Variants in LIMS1 observed in about 807,000 individuals in gnomAD.
LIMS1 encodes the protein LIM zinc finger domain containing 1.
LIMS1 carries 18 observed loss-of-function variants against 44.1 expected under a neutral mutation model. The observed-to-expected ratio is 0.41, with a 90% CI of 0.28 to 0.61. The LOEUF (loss-of-function observed/expected upper bound fraction) is 0.61, where lower values mean the gene tolerates loss of function less well. Among genes scored for constraint, LIMS1 ranks in the 20% least tolerant of loss-of-function variants. The pLI, the probability that LIMS1 is intolerant of heterozygous loss-of-function variation, is 0.32. For synonymous variants in LIMS1, 93 were observed against 149.1 expected (o/e 0.62, Z 2.74); for missense variants, 201 against 422.0 (o/e 0.48, Z 4.59).
At chr2:108,579,338 T>G (rs542041406) in intron 1 of LIMS1, among the ~76,000 whole-genome samples, 2 of 152,354 alleles carry the variant, frequency 1.3e-5, no homozygotes, top group East Asian at 3.9e-4. Flanking sequence ...ATAATTTTAC[T>G]TGTACTCAGT....
intron 1 of LIMS1, among the ~76,000 whole-genome samples, chr2:108,560,566 C>T (rs531617392): frequency 3.3e-5 from 5 of 152,124 alleles, no homozygotes; most frequent in South Asian, 2.1e-4. Flanking sequence ...GGAGGTCCTC[C>T]GTAACTGTCC....
At chr2:108,639,750 C>A (rs950744737) in intron 1 of LIMS1, among the ~76,000 whole-genome samples, 1 of 152,090 alleles carries the variant, frequency 6.6e-6, no homozygotes, top group Non-Finnish European at 1.5e-5. Context: ...CGTGCCCAGC[C>A]GTGTACATGT....
intron 1 of LIMS1, among the ~76,000 whole-genome samples, chr2:108,598,420 G>A (rs187922237): frequency 6.6e-6 from 1 of 152,338 alleles, no homozygotes; most frequent in East Asian, 1.9e-4. Context: ...TAGGAGGAAG[G>A]AGAGACTGAG....
chr2:108,640,257 T>C (rs1300383194), intron 1 of LIMS1, among the ~76,000 whole-genome samples: 1 of 152,204 alleles, frequency 6.6e-6, no homozygotes, highest in Non-Finnish European at 1.5e-5. Context: ...CCAGGCTCCA[T>C]GTCCTTTACA....
At chr2:108,571,169 A>AT (rs1685467207) in intron 1 of LIMS1, among the ~76,000 whole-genome samples, 1 of 152,234 alleles carries the variant, frequency 6.6e-6, no homozygotes, top group African/African-American at 2.4e-5. Flanking sequence ...CAGAGTGTTT[A>AT]TAAATAATGG....
intron 8 of LIMS1, among the ~76,000 whole-genome samples, chr2:108,678,846 G>A (rs1186822038): frequency 6.6e-6 from 1 of 152,164 alleles, no homozygotes; most frequent in South Asian, 2.1e-4. Context: ...TTTCCATGTT[G>A]GGCCAACAGC....
chr2:108,585,142 C>T (rs995077949), intron 1 of LIMS1, among the ~76,000 whole-genome samples: 2 of 131,766 alleles, frequency 1.5e-5, no homozygotes, highest in South Asian at 2.5e-4. Context: ...CAGAGCATGA[C>T]TCCGTCTCAA....
chr2:108,545,163 T>A (rs935022501), intron 1 of LIMS1, among the ~76,000 whole-genome samples: 1 of 152,218 alleles, frequency 6.6e-6, no homozygotes, highest in African/African-American at 2.4e-5. Flanking sequence ...TTGTTGTTGC[T>A]GTTGTTGAAG....
At chr2:108,650,460 C>T (rs1441134785) in intron 1 of LIMS1, among the ~76,000 whole-genome samples, 1 of 151,110 alleles carries the variant, frequency 6.6e-6, no homozygotes, top group Non-Finnish European at 1.5e-5. Flanking sequence ...TCTTGTTGCC[C>T]AGGCTTGAGT....
intron 1 of LIMS1, among the ~76,000 whole-genome samples, chr2:108,557,982 A>C (rs1416089022): frequency 6.6e-6 from 1 of 152,228 alleles, no homozygotes; most frequent in Non-Finnish European, 1.5e-5. Context: ...TATGAAGGGG[A>C]AATTATGGAT....
rs147782954 is a variant in LIMS1, at chr2:108,645,176, C to T, written c.33-14429C>T. Among the ~76,000 whole-genome samples, 776 of 152,026 alleles carry T rather than the reference C, an allele frequency of 5.1e-3. 7 individuals carry two copies. The highest frequency in any genetic ancestry group is 0.018 in the African/African-American group (730 of 41,440). Reference sequence around the variant, plus strand: ...GAAAGATACTCCTTGAGAAAAGCAACGCCAGGACACATAATTTTCAGATCA... The same window carrying T: ...GAAAGATACTCCTTGAGAAAAGCAATGCCAGGACACATAATTTTCAGATCA... On this transcript the variant is annotated intron_variant, in intron 1 of 9. Transcript: ENST00000544547.
At chr2:108,645,609 C>T (rs1429028479) in intron 1 of LIMS1, among the ~76,000 whole-genome samples, 1 of 152,114 alleles carries the variant, frequency 6.6e-6, no homozygotes, top group Non-Finnish European at 1.5e-5. Flanking sequence ...TAACAGCTAG[C>T]ATCATATTGG....
At chr2:108,595,207 G>A (rs1049259814) in intron 1 of LIMS1, among the ~76,000 whole-genome samples, 2 of 152,130 alleles carry the variant, frequency 1.3e-5, no homozygotes, top group Non-Finnish European at 2.9e-5. Context: ...TTGGGTGGGG[G>A]TTGCGAGGAT....
chr2:108,679,060 A>C (rs1422781388), intron 8 of LIMS1, among the ~76,000 whole-genome samples: 1 of 152,222 alleles, frequency 6.6e-6, no homozygotes, highest in African/African-American at 2.4e-5. Flanking sequence ...GATTCAACCA[A>C]CTATGGATCA....
chr2:108,642,511 T>C (rs541130638), intron 1 of LIMS1, among the ~76,000 whole-genome samples: 51 of 151,018 alleles, frequency 3.4e-4, no homozygotes, highest in Non-Finnish European at 5.9e-4. Flanking sequence ...AGGCGCCCGC[T>C]ACCACGCCCG....
At chr2:108,639,578 G>C (rs776007759) in intron 1 of LIMS1, among the ~76,000 whole-genome samples, 31 of 152,254 alleles carry the variant, frequency 2.0e-4, no homozygotes, top group Admixed American at 1.6e-3. Flanking sequence ...TCAGCCTCCT[G>C]AGTAGCTGGG....
At chr2:108,667,036 T>A (rs1691807553) in intron 2 of LIMS1, among the ~76,000 whole-genome samples, 1 of 151,554 alleles carries the variant, frequency 6.6e-6, no homozygotes, top group Non-Finnish European at 1.5e-5. Flanking sequence ...TGGCCACTGG[T>A]GATCAACTTA....
chr2:108,680,794 G>A, intron 9 of LIMS1, 24 bp downstream of exon 9: 2 of 1,598,638 alleles, frequency 1.3e-6, no homozygotes, highest in Admixed American at 1.8e-5. Flanking sequence ...TTTGTCCAGT[G>A]TGAATCCTAA....
chr2:108,627,695 CAG>C (rs1053896402), intron 1 of LIMS1, among the ~76,000 whole-genome samples: 3 of 152,092 alleles, frequency 2.0e-5, no homozygotes, highest in Non-Finnish European at 4.4e-5. Flanking sequence ...TAAAAGGAAA[CAG>C]TACTATTTAT....
Sources: allele counts gnomAD v4.1 joint callset (sites outside exome capture counted in the v4.1 genomes callset), GRCh38; gene constraint gnomAD v4.1.1; transcripts MANE v1.5; gene names NCBI Gene and HGNC (gene_info 2026-07-23, HGNC 2026-07-21).